NLRC3: variants seen among roughly 807,000 people sequenced by gnomAD.
NLRC3 encodes NLR family CARD domain-containing protein 3.
In NLRC3, 87 loss-of-function variants were observed where a neutral mutation model predicts 91.6. The observed-to-expected ratio is 0.95, with a 90% CI of 0.80 to 1.14. NLRC3 has a LOEUF of 1.14. Among genes scored for constraint, NLRC3 ranks in the 50% most tolerant of loss-of-function variants. NLRC3 has a pLI of 0.00. For missense variants in NLRC3, 1,577 were observed against 1,418.6 expected, an observed-to-expected ratio of 1.11 and a Z score of -1.79; for synonymous variants, 694 against 625.3, an observed-to-expected ratio of 1.11 and a Z score of -1.64.
chr16:3,566,101 C>CA (rs1027448717), intron 2 of NLRC3, among the ~76,000 whole-genome samples: 1,057 of 21,308 alleles, frequency 0.05, 31 homozygotes, highest in African/African-American at 0.084. Context: ...GAGCAAAAAG[C>CA]AAAAAAAAAA....
Position 3,564,427 on chromosome 16 carries a change from G to C in NLRC3, c.510C>G (p.Asp170Glu). 1.2e-6 allele frequency: 2 copies of C among 1,612,788 alleles called. No individual in the cohort carries two copies. Among genetic ancestry groups the C allele is most frequent in the Non-Finnish European group, 1.7e-6 (2 of 1,179,884 alleles). Residue 170 changes from aspartate (D) to glutamate (E), a missense_variant, in exon 5 of 20, where the codon GAC (aspartate) becomes GAG (glutamate). Physicochemically the swap from Asp to Glu is conservative, Grantham distance 45 (BLOSUM62 2). Coordinates refer to ENST00000359128, the MANE Select transcript of NLRC3 (RefSeq NM_178844.4). This position sits in a 1 kb window ranked among gnomAD's most constrained non-coding sequence, Gnocchi z 5.9. Reference sequence around the variant, plus strand: ...AGGTCAGAGGCAGCACCAGCGAGAAGTCCTTGCCGACCTGCCCATGGGCCC... The same window carrying C: ...AGGTCAGAGGCAGCACCAGCGAGAACTCCTTGCCGACCTGCCCATGGGCCC... Reference protein sequence around the residue: ...RLWAHGQVGKDFSLVLPLTFR... With the variant: ...RLWAHGQVGKEFSLVLPLTFR...
At chr16:3,576,490 C>G (rs1018587838) in intron 1 of NLRC3, among the ~76,000 whole-genome samples, 5 of 152,152 alleles carry the variant, frequency 3.3e-5, no homozygotes, top group African/African-American at 1.2e-4. Context: ...GAAGGGTGCC[C>G]AGGTCTGCCG....
intron 18 of NLRC3, 118 bp from the exon 19 acceptor site, chr16:3,542,392 CA>C: frequency 1.4e-6 from 1 of 709,570 alleles, no homozygotes; most frequent in Non-Finnish European, 2.5e-6. Flanking sequence ...CCACAGGTGC[CA>C]TGGCAACTCC....
In NLRC3 at chr16:3,542,733, C is replaced by A. The variant is rs1249730781; in HGVS notation, c.2982G>T (p.Leu994=). ...NAIGVAGAKA[L]ANALKVNSSL... ...TTGAGTTTACCTTCAGAGCATTTGC[C>A]AGGGCTTTGGCTCCAGCCACCCCAA... is the stretch of plus-strand genomic sequence containing the variant. Residue 994 remains leucine (L), a synonymous_variant, in exon 18 of 20, where the codon CTG becomes CTT. Coordinates refer to ENST00000359128, the MANE Select transcript of NLRC3 (RefSeq NM_178844.4). 4 of 1,610,688 alleles carry A rather than the reference C, an allele frequency of 2.5e-6. No homozygotes were observed. The highest frequency in any genetic ancestry group is 3.4e-6 in the Non-Finnish European group (4 of 1,178,630).
At chr16:3,561,594 A>T in intron 6 of NLRC3, 108 bp downstream of exon 6, 1 of 727,982 alleles carries the variant, frequency 1.4e-6, no homozygotes, top group South Asian at 1.6e-5. Context: ...CTCCAAAGAC[A>T]CTTCTCCGTG....
At chr16:3,547,675 T>C (rs1203488819) in intron 15 of NLRC3, among the ~76,000 whole-genome samples, 1 of 151,828 alleles carries the variant, frequency 6.6e-6, no homozygotes, top group Non-Finnish European at 1.5e-5. Context: ...TGTGTGTATA[T>C]ATATATATTT....
chr16:3,546,440 C>G (rs916039904), intron 15 of NLRC3, among the ~76,000 whole-genome samples: 50 of 151,646 alleles, frequency 3.3e-4, no homozygotes, highest in African/African-American at 1.2e-3. Context: ...ACCTGTAATC[C>G]CAGCTACTCG....
At chr16:3,574,927 A>C (rs1236522178) in intron 1 of NLRC3, among the ~76,000 whole-genome samples, 2 of 151,984 alleles carry the variant, frequency 1.3e-5, no homozygotes, top group Non-Finnish European at 1.5e-5. Flanking sequence ...ACGCCACTGC[A>C]CTCCAGCCTG....
rs974937860 is a variant in NLRC3, at chr16:3,542,020, C to A, written c.3108-105G>T. 8.6e-6 allele frequency: 7 copies of A among 813,554 alleles called. No homozygotes were observed. In the East Asian group the frequency reaches 1.9e-4, roughly 22 times the overall value. 50.4% of individuals were successfully genotyped at this position (813,554 alleles called of 1,614,324 possible). On this transcript the variant is annotated intron_variant, in intron 19 of 19. Transcript: ENST00000359128. Reference sequence around the variant, plus strand: ...GACCCCATGCAAAGCCTTTGTGCTTCTAGGATCCCCTCGCTACATGGACAA... The same window carrying A: ...GACCCCATGCAAAGCCTTTGTGCTTATAGGATCCCCTCGCTACATGGACAA...
rs758349227 is a variant in NLRC3 at position 3,549,809 on chromosome 16, G to A, written c.2436-29C>T. ...CGGAAAGAGGAGGCGCCCTGGGTGTGGCTGTCCCAGGACCCAGAGGGAGCT... is the reference window on the plus strand; with the variant it reads ...CGGAAAGAGGAGGCGCCCTGGGTGTAGCTGTCCCAGGACCCAGAGGGAGCT... On this transcript the variant is annotated intron_variant, in intron 11 of 19. Transcript: ENST00000359128. 7 of 1,508,542 alleles carry A rather than the reference G, an allele frequency of 4.6e-6. No individual in the cohort carries two copies. In the South Asian group the frequency reaches 8.4e-5, roughly 18 times the overall value. 93.4% of individuals were successfully genotyped at this position (1,508,542 alleles called of 1,614,324 possible).
At chr16:3,566,552 C>G (rs2039891792) in intron 2 of NLRC3, among the ~76,000 whole-genome samples, 1 of 152,042 alleles carries the variant, frequency 6.6e-6, no homozygotes, top group African/African-American at 2.4e-5. Context: ...ATGGAGAAAC[C>G]CCATCTCTAT....
chr16:3,550,156 A>G (rs1197962130), intron 11 of NLRC3, among the ~76,000 whole-genome samples: 1 of 151,364 alleles, frequency 6.6e-6, no homozygotes, highest in East Asian at 1.9e-4. Flanking sequence ...GCTGCAGCTG[A>G]CTCCCTCTCC....
chr16:3,555,230 A>G (rs2039243316), intron 8 of NLRC3, among the ~76,000 whole-genome samples: 1 of 80,430 alleles, frequency 1.2e-5, no homozygotes, highest in Non-Finnish European at 2.9e-5. Flanking sequence ...ACTCCGTCTC[A>G]AAAAAAAAAA....
At chr16:3,542,552 G>A in intron 18 of NLRC3, 140 bp downstream of exon 18, 1 of 638,742 alleles carries the variant, frequency 1.6e-6, no homozygotes, top group African/African-American at 1.8e-5. Flanking sequence ...GCAGTGGAAT[G>A]TGGACTATAA....
At chr16:3,561,612 C>CGCTG (rs2039614541) in intron 6 of NLRC3, 90 bp downstream of exon 6, 5 of 889,516 alleles carry the variant, frequency 5.6e-6, no homozygotes, top group South Asian at 2.8e-5. Context: ...GTGGCAGCGC[C>CGCTG]GCTGGCCAGC....
At chr16:3,571,561 A>G (rs1466986587) in intron 1 of NLRC3, among the ~76,000 whole-genome samples, 2 of 150,406 alleles carry the variant, frequency 1.3e-5, no homozygotes, top group Non-Finnish European at 3.0e-5. Context: ...AAAAAAAAAA[A>G]GCAGAATTCA....
At chr16:3,555,927 T>TAAATAAATAAAG (rs1251887072) in intron 8 of NLRC3, 1 of 112,260 alleles carries the variant, frequency 8.9e-6, no homozygotes, top group Non-Finnish European at 1.9e-5. Context: ...CTAATAAAAA[T>TAAATAAATAAAG]AAATAAATAA....
At chr16:3,548,024 G>T in intron 15 of NLRC3, 111 bp downstream of exon 15, 2 of 703,788 alleles carry the variant, frequency 2.8e-6, no homozygotes, top group South Asian at 3.3e-5. Context: ...CCTTAGGGAA[G>T]AGGAGTGCCA....
intron 9 of NLRC3, among the ~76,000 whole-genome samples, chr16:3,553,204 G>C (rs1421839721): frequency 6.6e-6 from 1 of 152,212 alleles, no homozygotes; most frequent in African/African-American, 2.4e-5. Flanking sequence ...GAAAACTTGA[G>C]GTTGCAAATG....
Sources: gnomAD v4.1 joint callset for allele counts (sites outside exome capture counted in the v4.1 genomes callset) on GRCh38, gnomAD v4.1.1 for gene constraint, Gnocchi (gnomAD v3.1) non-coding constraint, MANE v1.5 for transcripts, NCBI Gene and HGNC (gene_info 2026-07-23, HGNC 2026-07-21) for gene names.